Variants in FHIT observed in about 807,000 individuals in gnomAD.
FHIT encodes the protein bis(5'-adenosyl)-triphosphatase.
In FHIT, 19 loss-of-function variants were observed where a neutral mutation model predicts 17.9. The observed-to-expected ratio is 1.06, with a 90% CI of 0.74 to 1.56. The LOEUF is 1.56. FHIT is among the 40% of genes most tolerant of loss of function. The probability of loss-of-function intolerance (pLI) is 0.00; values close to 1 mark genes in which losing one functional copy is unlikely to be tolerated. For missense variants in FHIT, 248 were observed against 189.2 expected, an observed-to-expected ratio of 1.31 and a Z score of -1.82; for synonymous variants, 81 against 69.7, an observed-to-expected ratio of 1.16 and a Z score of -0.81.
At chr3:60,076,917 C>T (rs1233679500) in intron 5 of FHIT, among the ~76,000 whole-genome samples, 2 of 151,858 alleles carry the variant, frequency 1.3e-5, no homozygotes, top group Non-Finnish European at 2.9e-5. Flanking sequence ...TTTCCCCATC[C>T]AAGGAAAACA....
chr3:60,792,559 G>T (rs1217044802), intron 4 of FHIT, among the ~76,000 whole-genome samples: 3 of 152,154 alleles, frequency 2.0e-5, no homozygotes, highest in African/African-American at 7.2e-5. Flanking sequence ...GGCTCACACT[G>T]ACAACCAGCA....
intron 5 of FHIT, among the ~76,000 whole-genome samples, chr3:60,149,391 G>C (rs1013509373): frequency 1.3e-5 from 2 of 151,932 alleles, no homozygotes; most frequent in Non-Finnish European, 2.9e-5. Context: ...GAAAACAAAA[G>C]GGTAATTCTT....
In FHIT at chr3:59,748,413, G is replaced by C. The variant is rs1700713576; in HGVS notation, c.*1172C>G. Among the ~76,000 whole-genome samples, 2 of 152,090 alleles carry C rather than the reference G, an allele frequency of 1.3e-5. No homozygotes were observed. The highest frequency in any genetic ancestry group is 4.8e-5 in the African/African-American group (2 of 41,412). On this transcript the variant is annotated 3_prime_UTR_variant, in exon 10 of 10. Transcript: ENST00000492590. The stretch of plus-strand genomic sequence containing the variant: ...GGGAGGGTAGCCTAGGCAGGATTCA[G>C]CATGATCTGAGAATCTTGCAAGTAG...
chr3:60,680,027 C>T (rs1330944749), intron 4 of FHIT, among the ~76,000 whole-genome samples: 1 of 152,024 alleles, frequency 6.6e-6, no homozygotes, highest in Non-Finnish European at 1.5e-5. Context: ...TGTACGTTTT[C>T]CTGAATTATC....
chr3:61,192,962 C>G (rs758854383), intron 2 of FHIT, among the ~76,000 whole-genome samples: 1 of 152,164 alleles, frequency 6.6e-6, no homozygotes, highest in Non-Finnish European at 1.5e-5. Flanking sequence ...GTATACTGTT[C>G]CCTTTCGCAT....
chr3:61,213,038 C>T (rs538870681), intron 1 of FHIT, among the ~76,000 whole-genome samples: 244 of 152,288 alleles, frequency 1.6e-3, no homozygotes, highest in Non-Finnish European at 3.0e-3. Context: ...CCAGTACCAG[C>T]CACTGCAAAA....
chr3:60,581,406 G>T (rs1414334679), intron 4 of FHIT, among the ~76,000 whole-genome samples: 1 of 152,058 alleles, frequency 6.6e-6, no homozygotes, highest in Admixed American at 6.6e-5. Flanking sequence ...AACAACATTA[G>T]ACTGCTTACT....
At chr3:60,333,825 G>T (rs1305083589) in intron 5 of FHIT, among the ~76,000 whole-genome samples, 1 of 152,152 alleles carries the variant, frequency 6.6e-6, no homozygotes, top group South Asian at 2.1e-4. Flanking sequence ...GGATCAAGGA[G>T]CTGAAACTCA....
intron 5 of FHIT, among the ~76,000 whole-genome samples, chr3:60,363,658 C>G (rs75722062): frequency 2.0e-5 from 3 of 151,984 alleles, no homozygotes; most frequent in African/African-American, 7.3e-5. Context: ...AAAGCCTCTG[C>G]GCTGTGTATC....
intron 5 of FHIT, among the ~76,000 whole-genome samples, chr3:60,295,062 T>C (rs1559796878): frequency 6.6e-6 from 1 of 152,050 alleles, no homozygotes; most frequent in African/African-American, 2.4e-5. Context: ...AAATGCTGGG[T>C]TGTCTCAGTC....
intron 5 of FHIT, among the ~76,000 whole-genome samples, chr3:60,517,886 G>T (rs1313239397): frequency 1.3e-5 from 2 of 152,136 alleles, no homozygotes; most frequent in Admixed American, 1.3e-4. Flanking sequence ...ATACTGCCCG[G>T]TTCATCATGA....
intron 5 of FHIT, among the ~76,000 whole-genome samples, chr3:60,138,453 A>T (rs1699905702): frequency 6.6e-6 from 1 of 152,178 alleles, no homozygotes; most frequent in East Asian, 1.9e-4. Context: ...CTTCCTGTAG[A>T]CAGAAATTTT....
At chr3:60,231,012 T>C (rs1184544587) in intron 5 of FHIT, among the ~76,000 whole-genome samples, 1 of 152,204 alleles carries the variant, frequency 6.6e-6, no homozygotes, top group African/African-American at 2.4e-5. Flanking sequence ...GGCCTTAAAA[T>C]ATTTCAATAA....
At chr3:60,793,241 C>T (rs1416429263) in intron 4 of FHIT, among the ~76,000 whole-genome samples, 1 of 152,068 alleles carries the variant, frequency 6.6e-6, no homozygotes, top group Non-Finnish European at 1.5e-5. Flanking sequence ...AATACAATGT[C>T]ACAATGTCTT....
intron 4 of FHIT, among the ~76,000 whole-genome samples, chr3:60,597,648 G>A (rs1200099679): frequency 6.6e-6 from 1 of 152,092 alleles, no homozygotes. Context: ...AAATGTCAGG[G>A]AATTAAGACC....
intron 5 of FHIT, among the ~76,000 whole-genome samples, chr3:60,085,295 T>G (rs767759135): frequency 2.0e-5 from 3 of 152,156 alleles, no homozygotes; most frequent in Non-Finnish European, 4.4e-5. Context: ...TCTGTCCAGG[T>G]GCCTCTGATT....
intron 5 of FHIT, among the ~76,000 whole-genome samples, chr3:60,375,594 A>G (rs921039679): frequency 2.0e-5 from 3 of 152,140 alleles, no homozygotes; most frequent in East Asian, 1.9e-4. Flanking sequence ...ATATATATTG[A>G]AAGTATAAAT....
At chr3:60,519,730 C>G (rs559317285) in intron 5 of FHIT, among the ~76,000 whole-genome samples, 1 of 152,050 alleles carries the variant, frequency 6.6e-6, no homozygotes, top group Non-Finnish European at 1.5e-5. Flanking sequence ...GGAATTTAAC[C>G]TTTTCTTGTA....
intron 5 of FHIT, among the ~76,000 whole-genome samples, chr3:60,042,430 G>A (rs183255021): frequency 1.4e-3 from 209 of 152,262 alleles, no homozygotes; most frequent in African/African-American, 3.5e-3. Flanking sequence ...CAGTTCTGAG[G>A]ACAGGGGCCT....
Sources: allele counts gnomAD v4.1 joint callset (sites outside exome capture counted in the v4.1 genomes callset), GRCh38; gene constraint gnomAD v4.1.1; transcripts MANE v1.5; gene names NCBI Gene and HGNC (gene_info 2026-07-23, HGNC 2026-07-21).